Variants in DNAH6 observed in about 807,000 individuals in gnomAD.
DNAH6 encodes axonemal beta dynein heavy chain 6.
DNAH6 carries 340 observed loss-of-function variants against 491.4 expected under a neutral mutation model. The ratio of observed to expected loss-of-function variants is 0.69; its 90% CI spans 0.63 to 0.76. DNAH6 has a LOEUF of 0.76. Ranked by LOEUF, DNAH6 falls within the 30% of genes least tolerant of loss-of-function variation. The pLI is 0.00. For missense variants in DNAH6, 4,443 were observed against 4,972.2 expected (o/e 0.89, Z 3.20); for synonymous variants, 1,603 against 1,686.1 (o/e 0.95, Z 1.21).
intron 10 of DNAH6, among the ~76,000 whole-genome samples, chr2:84,555,460 C>A (rs1442952889): frequency 6.6e-6 from 1 of 152,080 alleles, no homozygotes; most frequent in Non-Finnish European, 1.5e-5. Flanking sequence ...TTATCTGATC[C>A]TTGATTCTTG....
rs1285417887 is a variant in DNAH6, at chr2:84,707,020, G to T, written c.8851+1G>T. On this transcript the variant is annotated splice_donor_variant, in intron 53 of 76. Coordinates refer to ENST00000389394, the MANE Select transcript of DNAH6 (RefSeq NM_001370.2). LOFTEE classifies it high-confidence loss of function. ...GGTGTAAATGAAAAAGAAAGCCTGG[G>T]TAAGTAACTCATAAAATTTACATTG... 1 of 1,504,016 alleles carries T rather than the reference G, an allele frequency of 6.6e-7. No individual in the cohort carries two copies. Among genetic ancestry groups the T allele is most frequent in the Admixed American group, 2.8e-5 (1 of 35,110 alleles). The allele number at this position is 1,504,016 out of a possible 1,614,324, so 93.2% of individuals were successfully genotyped here. A position where few individuals can be genotyped will look rare whatever the true frequency, so the allele number is the denominator to read the frequency against.
intron 37 of DNAH6, among the ~76,000 whole-genome samples, chr2:84,668,080 C>T (rs1296356320): frequency 8.6e-5 from 13 of 150,706 alleles, no homozygotes; most frequent in Admixed American, 1.3e-4. Context: ...TCACACACCA[C>T]GGCCTGTCGT....
intron 60 of DNAH6, among the ~76,000 whole-genome samples, chr2:84,724,800 G>C (rs950311807): frequency 4.6e-5 from 7 of 152,110 alleles, no homozygotes; most frequent in African/African-American, 1.7e-4. Flanking sequence ...AACGTTCAAA[G>C]AAACCAAGAT....
Position 84,621,552 on chromosome 2 carries a change from G to A in DNAH6, c.4071+1G>A. ...GAATTTTGAAAAAGTAAATTTTGAG[G>A]TGAGATCTGTAACAAAGTGACATTG... On this transcript the variant is annotated splice_donor_variant, in intron 26 of 76. Transcript: ENST00000389394. LOFTEE classifies it high-confidence loss of function. 1 of 1,505,246 alleles carries A rather than the reference G, an allele frequency of 6.6e-7. No homozygotes were observed. The highest frequency in any genetic ancestry group is 9.0e-7 in the Non-Finnish European group (1 of 1,110,662). 93.2% of individuals were successfully genotyped at this position (1,505,246 alleles called of 1,614,324 possible).
intron 22 of DNAH6, among the ~76,000 whole-genome samples, chr2:84,614,737 G>A (rs1686678625): frequency 1.3e-5 from 2 of 152,006 alleles, no homozygotes; most frequent in Admixed American, 6.6e-5. Context: ...GGGTAGGGTG[G>A]TATCGCATTG....
chr2:84,511,208 C>G, the DNAH6 span, among the ~76,000 whole-genome samples: 1 of 152,216 alleles, frequency 6.6e-6, no homozygotes, highest in South Asian at 2.1e-4. Context: ...CCTTGAACTG[C>G]GGTGGGCTCC....
intron 68 of DNAH6, among the ~76,000 whole-genome samples, chr2:84,796,094 G>A (rs1678318295): frequency 2.0e-5 from 3 of 152,188 alleles, no homozygotes; most frequent in African/African-American, 4.8e-5. Context: ...GCAAAATAAT[G>A]AGAGTAGAGT....
At chr2:84,556,412 C>T (rs189025218) in intron 10 of DNAH6, among the ~76,000 whole-genome samples, 144 of 152,316 alleles carry the variant, frequency 9.5e-4, no homozygotes, top group Non-Finnish European at 1.5e-3. Flanking sequence ...AAATGACTCA[C>T]CTGCCTGCCC....
At chr2:84,539,853 C>G (rs1396976692) in intron 4 of DNAH6, among the ~76,000 whole-genome samples, 2 of 152,088 alleles carry the variant, frequency 1.3e-5, no homozygotes, top group Non-Finnish European at 2.9e-5. Context: ...TTTGGTTAAT[C>G]AAACCAGAAG....
intron 23 of DNAH6, among the ~76,000 whole-genome samples, chr2:84,618,398 T>C (rs886382058): frequency 6.6e-6 from 1 of 152,148 alleles, no homozygotes; most frequent in South Asian, 2.1e-4. Context: ...CTCAGTCACA[T>C]AGAAGAGCAT....
At chr2:84,482,938 A>G in the DNAH6 span, among the ~76,000 whole-genome samples, 1 of 151,626 alleles carries the variant, frequency 6.6e-6, no homozygotes, top group Non-Finnish European at 1.5e-5. Context: ...TGAGGATAAC[A>G]TATTTTATGT....
rs777959484 is a variant in DNAH6 at position 84,709,394 on chromosome 2, C to T, written c.9100C>T (p.Pro3034Ser). Residue 3034 changes from proline to serine, a missense_variant, in exon 55 of 77, where the codon CCT becomes TCT. Pro to Ser is a moderately conservative substitution (Grantham distance 74). This residue lies in a region of DNAH6 where 1,463 missense variants were observed against 1,656.6 expected (regional missense o/e 0.88). Coordinates refer to ENST00000389394, the MANE Select transcript of DNAH6 (RefSeq NM_001370.2). ...TCAGTCTCTGGAGATCCCAATCGAT[C>T]CTTCCTTCAGTCTCATTAACATTCT... ...DCQSLEIPIDPSFSLINILGD... is the reference protein window; with the variant it reads ...DCQSLEIPIDSSFSLINILGD... 1 of 1,551,654 alleles carries T rather than the reference C, an allele frequency of 6.4e-7. No homozygotes were observed. Among genetic ancestry groups the T allele is most frequent in the African/African-American group, 1.4e-5 (1 of 73,138 alleles).
At chr2:84,467,200 T>A in the DNAH6 span, among the ~76,000 whole-genome samples, 1,684 of 152,066 alleles carry the variant, frequency 0.011, 29 homozygotes, top group African/African-American at 0.039. Flanking sequence ...GCTTAAACCT[T>A]CAGATTTATC....
chr2:84,649,439 C>A (rs758412245), intron 33 of DNAH6, among the ~76,000 whole-genome samples: 2 of 152,168 alleles, frequency 1.3e-5, no homozygotes, highest in Non-Finnish European at 2.9e-5. Flanking sequence ...TAGAGAACTT[C>A]CCTTTAGCCA....
intron 16 of DNAH6, among the ~76,000 whole-genome samples, chr2:84,591,911 G>A (rs183755740): frequency 8.5e-5 from 13 of 152,264 alleles, no homozygotes; most frequent in Non-Finnish European, 1.8e-4. Context: ...GCAAAAGAAT[G>A]AAGCTGAACC....
the DNAH6 span, among the ~76,000 whole-genome samples, chr2:84,497,152 G>T: frequency 6.6e-6 from 1 of 151,900 alleles, no homozygotes; most frequent in South Asian, 2.1e-4. Flanking sequence ...TATATTTTTA[G>T]TAGAGACGGA....
chr2:84,757,323 C>T (rs1674129840), intron 63 of DNAH6, among the ~76,000 whole-genome samples: 1 of 152,190 alleles, frequency 6.6e-6, no homozygotes, highest in South Asian at 2.1e-4. Flanking sequence ...AGCATAACTA[C>T]AGAGTTAAGT....
intron 31 of DNAH6, among the ~76,000 whole-genome samples, chr2:84,639,813 T>C (rs1017312139): frequency 1.3e-5 from 2 of 152,202 alleles, no homozygotes; most frequent in Non-Finnish European, 2.9e-5. Flanking sequence ...CAGTAAGAAC[T>C]CTGCGTCATT....
intron 37 of DNAH6, among the ~76,000 whole-genome samples, chr2:84,662,963 C>T (rs1691678155): frequency 6.6e-6 from 1 of 152,136 alleles, no homozygotes; most frequent in South Asian, 2.1e-4. Context: ...GCTGGTGATA[C>T]CCAGGCAAAC....
Sources: gnomAD v4.1 joint callset for allele counts (sites outside exome capture counted in the v4.1 genomes callset) on GRCh38, gnomAD v4.1.1 for gene constraint, gnomAD v4.1.1 regional missense constraint, MANE v1.5 for transcripts, NCBI Gene and HGNC (gene_info 2026-07-23, HGNC 2026-07-21) for gene names.